MIS18A: variants seen among roughly 807,000 people sequenced by gnomAD.
MIS18A encodes the protein MIS18 kinetochore protein A, also known as protein Mis18-alpha.
A neutral mutation model predicts 25.0 loss-of-function variants in MIS18A; 14 were observed. The observed-to-expected ratio is 0.56, with a 90% CI of 0.37 to 0.88. The LOEUF is 0.88. Among genes scored for constraint, MIS18A ranks in the 40% least tolerant of loss-of-function variants. The pLI is 0.00. For synonymous variants in MIS18A, 134 were observed against 118.6 expected (o/e 1.13, Z -0.84); for missense variants, 292 against 290.8 (o/e 1.00, Z -0.03).
chr21:32,168,269 G>A, the MIS18A span, among the ~76,000 whole-genome samples: 7 of 152,144 alleles, frequency 4.6e-5, no homozygotes, highest in African/African-American at 1.7e-4. Context: ...AAGCCACTCA[G>A]TTTGTGATAT....
chr21:32,251,060 C>T, the MIS18A span, among the ~76,000 whole-genome samples: 1 of 152,176 alleles, frequency 6.6e-6, no homozygotes, highest in Non-Finnish European at 1.5e-5. Context: ...TTCCTGCCAC[C>T]ATGTGAAGAA....
At chr21:32,211,663 T>C in the MIS18A span, among the ~76,000 whole-genome samples, 1,213 of 152,296 alleles carry the variant, frequency 8.0e-3, 16 homozygotes, top group African/African-American at 0.027. Context: ...AGAGGCTCTG[T>C]TTTGAACTAG....
At chr21:32,158,032 T>C in the MIS18A span, among the ~76,000 whole-genome samples, 65 of 152,278 alleles carry the variant, frequency 4.3e-4, no homozygotes, top group Non-Finnish European at 7.5e-4. Flanking sequence ...GTTTACCAAT[T>C]TGATAAGCAT....
chr21:32,243,097 T>C, the MIS18A span, among the ~76,000 whole-genome samples: 1 of 152,174 alleles, frequency 6.6e-6, no homozygotes, highest in Non-Finnish European at 1.5e-5. Context: ...TCACACCTTA[T>C]TAAAAAAAAT....
At chr21:32,197,235 T>C in the MIS18A span, among the ~76,000 whole-genome samples, 1 of 152,232 alleles carries the variant, frequency 6.6e-6, no homozygotes, top group African/African-American at 2.4e-5. Flanking sequence ...ACAATGTCTG[T>C]CCTTATTAGG....
the MIS18A span, among the ~76,000 whole-genome samples, chr21:32,237,148 A>AG: frequency 6.6e-6 from 1 of 150,884 alleles, no homozygotes; most frequent in Admixed American, 6.7e-5. Flanking sequence ...TATAAAGGCC[A>AG]GGCCATGATT....
At chr21:32,207,780 G>T in the MIS18A span, among the ~76,000 whole-genome samples, 2 of 152,042 alleles carry the variant, frequency 1.3e-5, no homozygotes, top group Non-Finnish European at 2.9e-5. Context: ...ATTAATGCAG[G>T]ATATTACATT....
At chr21:32,259,388 G>A in the MIS18A span, among the ~76,000 whole-genome samples, 5 of 152,196 alleles carry the variant, frequency 3.3e-5, no homozygotes, top group South Asian at 8.3e-4. Context: ...CTTTTCTTTC[G>A]CATCTTCAAG....
chr21:32,230,942 C>A, the MIS18A span, among the ~76,000 whole-genome samples: 2 of 152,100 alleles, frequency 1.3e-5, no homozygotes, highest in African/African-American at 2.4e-5. Flanking sequence ...AGTGAAAAGA[C>A]AACCCACACA....
the MIS18A span, among the ~76,000 whole-genome samples, chr21:32,259,230 C>T: frequency 6.6e-6 from 1 of 152,096 alleles, no homozygotes; most frequent in Admixed American, 6.5e-5. Flanking sequence ...TGGCCAGGGG[C>T]TCGAGGGAAG....
At chr21:32,221,664 G>T in the MIS18A span, among the ~76,000 whole-genome samples, 1 of 150,718 alleles carries the variant, frequency 6.6e-6, no homozygotes, top group African/African-American at 2.5e-5. Flanking sequence ...TGGATCACGA[G>T]GTCAGGAGTT....
chr21:32,158,249 G>A, the MIS18A span, among the ~76,000 whole-genome samples: 1 of 152,000 alleles, frequency 6.6e-6, no homozygotes, highest in Admixed American at 6.6e-5. Context: ...GTGAAGGAGA[G>A]AGCCATCATT....
At chr21:32,201,721 G>A in the MIS18A span, among the ~76,000 whole-genome samples, 1 of 152,066 alleles carries the variant, frequency 6.6e-6, no homozygotes, top group African/African-American at 2.4e-5. Flanking sequence ...GCTGAGGCAG[G>A]AGAATCACTT....
the MIS18A span, among the ~76,000 whole-genome samples, chr21:32,201,111 GA>G: frequency 6.6e-6 from 1 of 152,150 alleles, no homozygotes; most frequent in Non-Finnish European, 1.5e-5. Flanking sequence ...GAAGGTGAAG[GA>G]AGAGCAGTCA....
At chr21:32,193,724 T>C in the MIS18A span, among the ~76,000 whole-genome samples, 1 of 152,186 alleles carries the variant, frequency 6.6e-6, no homozygotes, top group African/African-American at 2.4e-5. Context: ...CTATTTCTTT[T>C]TTTTTTTGCA....
At chr21:32,179,569 C>A in the MIS18A span, among the ~76,000 whole-genome samples, 2 of 152,208 alleles carry the variant, frequency 1.3e-5, no homozygotes, top group Admixed American at 1.3e-4. Flanking sequence ...TCACACCTAA[C>A]CTTGAAGGAT....
At chr21:32,269,181 AAATAT>A in intron 4 of MIS18A, 64 bp from the exon 5 acceptor site, 1 of 1,180,980 alleles carries the variant, frequency 8.5e-7, no homozygotes, top group Middle Eastern at 2.7e-4. Flanking sequence ...ATACATGGTT[AAATAT>A]AATTAAGATA....
At chr21:32,166,041 G>A in the MIS18A span, among the ~76,000 whole-genome samples, 1 of 152,164 alleles carries the variant, frequency 6.6e-6, no homozygotes, top group Non-Finnish European at 1.5e-5. Context: ...AGGTAGAGAT[G>A]CTAGGACGGG....
At chr21:32,266,081 T>C (rs532808795), downstream of MIS18A, among the ~76,000 whole-genome samples, 2 of 149,908 alleles carry the variant, frequency 1.3e-5, no homozygotes, top group African/African-American at 4.9e-5. Context: ...TCAAGGATTG[T>C]AAATACACCA....
Sources: gnomAD v4.1 joint callset for allele counts (sites outside exome capture counted in the v4.1 genomes callset) on GRCh38, gnomAD v4.1.1 for gene constraint, MANE v1.5 for transcripts, NCBI Gene and HGNC (gene_info 2026-07-23, HGNC 2026-07-21) for gene names.